Variants in EEIG1 observed in about 807,000 individuals in gnomAD.
The protein encoded by EEIG1 is estrogen-induced osteoclastogenesis regulator 1, also known as early estrogen-induced gene 1 protein.
chr9:127,947,950 C>G, the EEIG1 span: 1 of 1,179,284 alleles, frequency 8.5e-7, no homozygotes, highest in South Asian at 1.4e-5. Flanking sequence ...CAGGAGCATG[C>G]AAACACCCTC....
the EEIG1 span, among the ~76,000 whole-genome samples, chr9:127,952,635 G>C: frequency 1.4e-4 from 21 of 152,370 alleles, no homozygotes; most frequent in South Asian, 4.1e-3. Context: ...GCTGCCATTA[G>C]AAAGCACATG....
chr9:127,944,900 TG>T, the EEIG1 span: 2 of 1,610,680 alleles, frequency 1.2e-6, no homozygotes, highest in South Asian at 2.2e-5. Context: ...TTCTTCCGCC[TG>T]GGTCAGGTCG....
chr9:127,946,632 C>G, the EEIG1 span, among the ~76,000 whole-genome samples: 150 of 152,358 alleles, frequency 9.8e-4, 1 homozygote, highest in Middle Eastern at 3.4e-3. Flanking sequence ...CTGGGGTGGC[C>G]TAGTCCCCAG....
chr9:127,971,275 C>T, the EEIG1 span, among the ~76,000 whole-genome samples: 1 of 152,178 alleles, frequency 6.6e-6, no homozygotes, highest in East Asian at 1.9e-4. Context: ...GAGGACAAGG[C>T]CTTTAGCCAC....
At chr9:127,955,712 A>T in the EEIG1 span, among the ~76,000 whole-genome samples, 3 of 152,262 alleles carry the variant, frequency 2.0e-5, no homozygotes, top group African/African-American at 7.2e-5. Flanking sequence ...AGGAAACAGC[A>T]TGAATGAGGG....
chr9:127,943,277 C>T, the EEIG1 span: 1 of 1,604,938 alleles, frequency 6.2e-7, no homozygotes, highest in Non-Finnish European at 8.5e-7. Flanking sequence ...CCCTCGATAC[C>T]CCATTTCCTG....
chr9:127,953,385 GCAA>G, the EEIG1 span: 1 of 606,280 alleles, frequency 1.6e-6, no homozygotes, highest in Admixed American at 3.0e-5. Flanking sequence ...CATTTATATT[GCAA>G]CAACCATATG....
the EEIG1 span, among the ~76,000 whole-genome samples, chr9:127,975,546 A>G: frequency 6.6e-6 from 1 of 152,232 alleles, no homozygotes; most frequent in South Asian, 2.1e-4. Context: ...CAGAGGTCAG[A>G]GCCAGGCCCA....
At chr9:127,943,377 C>A in the EEIG1 span, 1 of 766,444 alleles carries the variant, frequency 1.3e-6, no homozygotes, top group East Asian at 2.6e-5. Flanking sequence ...AACCGTGCCC[C>A]AGCGATGGTA....
the EEIG1 span, among the ~76,000 whole-genome samples, chr9:127,978,982 A>C: frequency 6.6e-6 from 1 of 151,990 alleles, no homozygotes; most frequent in African/African-American, 2.4e-5. Context: ...GTGTCACTGC[A>C]CTCCAGCCTG....
At chr9:127,945,380 C>A in the EEIG1 span, 1 of 1,585,766 alleles carries the variant, frequency 6.3e-7, no homozygotes. This position sits in a 1 kb window ranked among gnomAD's most constrained non-coding sequence, Gnocchi z 6.5. Context: ...AAAGAGCGAT[C>A]GGACAGATGC....
the EEIG1 span, chr9:127,945,517 G>A: frequency 4.5e-5 from 71 of 1,569,524 alleles, no homozygotes; most frequent in Non-Finnish European, 5.7e-5. This position sits in a 1 kb window ranked among gnomAD's most constrained non-coding sequence, Gnocchi z 6.5. Context: ...GCGGCGGTGC[G>A]TCAGGTCTGA....
At chr9:127,957,064 G>A in the EEIG1 span, among the ~76,000 whole-genome samples, 1 of 152,074 alleles carries the variant, frequency 6.6e-6, no homozygotes, top group Non-Finnish European at 1.5e-5. Flanking sequence ...CTAGCACTTT[G>A]GGAGGCCGAG....
chr9:127,956,710 C>CATT, the EEIG1 span, among the ~76,000 whole-genome samples: 11 of 149,444 alleles, frequency 7.4e-5, no homozygotes, highest in East Asian at 4.0e-4. Flanking sequence ...CACACCCGGC[C>CATT]ATTATTATTA....
the EEIG1 span, among the ~76,000 whole-genome samples, chr9:127,965,144 A>C: frequency 3.4e-5 from 5 of 146,208 alleles, no homozygotes; most frequent in South Asian, 2.2e-4. Flanking sequence ...AAAAAAAAAA[A>C]ACCAAAAACC....
chr9:127,958,789 G>C, the EEIG1 span, among the ~76,000 whole-genome samples: 1 of 151,380 alleles, frequency 6.6e-6, no homozygotes, highest in Admixed American at 6.6e-5. Context: ...ATATATGAGG[G>C]ACTGGTATCC....
At chr9:127,951,141 C>A in the EEIG1 span, among the ~76,000 whole-genome samples, 1 of 152,058 alleles carries the variant, frequency 6.6e-6, no homozygotes, top group Non-Finnish European at 1.5e-5. Context: ...AGAGGGCATG[C>A]GCTAAGAAGG....
chr9:127,950,378 C>A, the EEIG1 span: 1 of 1,593,522 alleles, frequency 6.3e-7, no homozygotes. Flanking sequence ...CTGGTTTGTC[C>A]CCATCCCGTG....
chr9:127,948,559 G>A, the EEIG1 span: 2 of 773,490 alleles, frequency 2.6e-6, no homozygotes, highest in Admixed American at 2.4e-5. Context: ...GGGGGCTCTG[G>A]CAAAGCCACT....
Sources: gnomAD v4.1 joint callset for allele counts (sites outside exome capture counted in the v4.1 genomes callset) on GRCh38, gnomAD v4.1.1 for gene constraint, Gnocchi (gnomAD v3.1) non-coding constraint, MANE v1.5 for transcripts, NCBI Gene and HGNC (gene_info 2026-07-23, HGNC 2026-07-21) for gene names.